The following TET3 variants were observed in gnomAD, a reference collection of about 807,000 sequenced individuals.
TET3 encodes tet methylcytosine dioxygenase 3.
A neutral mutation model predicts 141.4 loss-of-function variants in TET3; 19 were observed. The observed-to-expected ratio is 0.13, with a 90% CI of 0.09 to 0.20. TET3 has a LOEUF of 0.20. TET3 is among the 10% of genes least tolerant of loss of function. The pLI, the probability that TET3 is intolerant of heterozygous loss-of-function variation, is 1.00. For synonymous variants in TET3, 1,043 were observed against 980.9 expected (o/e 1.06, Z -1.18); for missense variants, 1,874 against 2,356.9 (o/e 0.80, Z 4.24).
chr2:74,046,163 G>A lies in TET3; in HGVS notation c.361-115G>A. The stretch of plus-strand genomic sequence containing the variant: ...GGAGGCTCAAGAAGTACCAGAGAGA[G>A]GATTTGCAAGAAAAGTTGGGGTCAG... On this transcript the variant is annotated intron_variant, in intron 3 of 11. Coordinates refer to ENST00000409262, the MANE Select transcript of TET3 (RefSeq NM_001287491.2). The surrounding 1 kb of genome is among the most constrained non-coding windows in gnomAD (Gnocchi z 4.3). The A allele has an allele frequency of 1.1e-6, 1 of 919,008 alleles. No individual in the cohort carries two copies. Among genetic ancestry groups the A allele is most frequent in the Non-Finnish European group, 1.5e-6 (1 of 661,628 alleles). The allele number at this position is 919,008 out of a possible 1,614,324, so 56.9% of individuals were successfully genotyped here.
At chr2:74,012,512 C>G (rs1257137239) in intron 3 of TET3, among the ~76,000 whole-genome samples, 2 of 152,188 alleles carry the variant, frequency 1.3e-5, no homozygotes, top group Non-Finnish European at 2.9e-5. Flanking sequence ...GCAGCCCCAC[C>G]TTTCAGAAAG....
At chr2:73,991,438 C>T (rs1258233946) in intron 2 of TET3, among the ~76,000 whole-genome samples, 1 of 151,884 alleles carries the variant, frequency 6.6e-6, no homozygotes, top group Admixed American at 6.6e-5. Context: ...ACAAAATTAG[C>T]CAGGCGTGGT....
rs1218558255 is a variant in TET3, at chr2:74,103,130, G to A, written c.*954G>A. On this transcript the variant is annotated 3_prime_UTR_variant, in exon 12 of 12. Transcript: ENST00000409262. ...CCAAGCCAATGCATGCTGAGCTGAA[G>A]GAATTTGTCTTAGTGGCAGTTTTTT... 2 of 152,262 alleles carry A rather than the reference G, an allele frequency of 1.3e-5. No individual in the cohort carries two copies. Among genetic ancestry groups the A allele is most frequent in the African/African-American group, 4.8e-5 (2 of 41,466 alleles). 9.4% of individuals were successfully genotyped at this position (152,262 alleles called of 1,614,324 possible).
intron 4 of TET3, among the ~76,000 whole-genome samples, chr2:74,068,241 C>G (rs1441874657): frequency 2.0e-5 from 3 of 151,868 alleles, no homozygotes; most frequent in Non-Finnish European, 4.4e-5. Flanking sequence ...TTTAAACTTG[C>G]TTTTACTCTG....
In TET3 at chr2:74,073,611, G is replaced by A. The variant is rs186320730; in HGVS notation, c.2557G>A (p.Ala853Thr). The change falls in exon 5 of 12, where the codon GCC becomes ACC. Residue 853 changes from alanine (A) to threonine (T), a missense_variant. By Grantham distance (58) the Ala-to-Thr change is moderately conservative. Around this residue, in one of 10 missense-constraint regions of TET3, gnomAD observed 126 missense variants for 327.4 expected, o/e 0.38. Transcript: ENST00000409262. ...TCACTTGGGATCTGGCCCCACGGTC[G>A]CCTCTATCCGGGAACTCATGGAGGA... ...YTHLGSGPTV[A>T]SIRELMEERY... 4 of 1,611,778 alleles carry A rather than the reference G, an allele frequency of 2.5e-6. No individual in the cohort carries two copies. Among genetic ancestry groups the A allele is most frequent in the East Asian group, 2.2e-5 (1 of 44,858 alleles).
At chr2:74,062,704 A>G (rs1365434330) in intron 4 of TET3, among the ~76,000 whole-genome samples, 1 of 152,216 alleles carries the variant, frequency 6.6e-6, no homozygotes, top group Non-Finnish European at 1.5e-5. Context: ...CTAAACATGG[A>G]AAACATAAAA....
At chr2:74,076,754 G>A (rs893705401) in intron 5 of TET3, among the ~76,000 whole-genome samples, 3 of 152,064 alleles carry the variant, frequency 2.0e-5, no homozygotes, top group African/African-American at 7.2e-5. Context: ...TGAATGGTAG[G>A]TCTAGGCTGT....
upstream of TET3, among the ~76,000 whole-genome samples, chr2:73,984,081 GTGTC>G (rs1683876638): frequency 6.6e-6 from 1 of 152,256 alleles, no homozygotes; most frequent in Non-Finnish European, 1.5e-5. This position sits in a 1 kb window ranked among gnomAD's most constrained non-coding sequence, Gnocchi z 5.6. Context: ...ACTCTTCAAA[GTGTC>G]TGCGCCGGGT....
chr2:74,018,940 T>G (rs1313343686), intron 3 of TET3, among the ~76,000 whole-genome samples: 1 of 152,164 alleles, frequency 6.6e-6, no homozygotes, highest in Non-Finnish European at 1.5e-5. Flanking sequence ...TCTAGTCTTT[T>G]TTGTGTGTTC....
chr2:74,099,583 T>G lies in TET3; in HGVS notation c.3575T>G (p.Leu1192Arg). 4 of 1,595,478 alleles carry G rather than the reference T, an allele frequency of 2.5e-6. No individual in the cohort carries two copies. Among genetic ancestry groups the G allele is most frequent in the Non-Finnish European group, 3.4e-6 (4 of 1,169,214 alleles). Residue 1192 changes from leucine (L) to arginine (R), a missense_variant, in exon 11 of 12, where the codon CTG (leucine) becomes CGG (arginine). Physicochemically the swap from Leu to Arg is moderately radical, Grantham distance 102. This residue lies in a region of TET3 where 602 missense variants were observed against 590.2 expected (regional missense o/e 1.02). Coordinates refer to ENST00000409262, the MANE Select transcript of TET3 (RefSeq NM_001287491.2). Reference protein sequence around the residue: ...STPEKIKQEALELAGITSDPG... With the variant: ...STPEKIKQEARELAGITSDPG... ...CCGGAGAAGATCAAGCAGGAGGCCCTGGAGCTGGCGGGCATTACGTCGGAC... is the reference window on the plus strand; with the variant it reads ...CCGGAGAAGATCAAGCAGGAGGCCCGGGAGCTGGCGGGCATTACGTCGGAC...
the TET3 span, among the ~76,000 whole-genome samples, chr2:74,125,826 T>C: frequency 1.2e-4 from 18 of 152,244 alleles, no homozygotes; most frequent in African/African-American, 4.3e-4. Flanking sequence ...TGAGCCACCA[T>C]GCCCAGCTGA....
chr2:74,067,301 T>C (rs1311819116), intron 4 of TET3, among the ~76,000 whole-genome samples: 4 of 152,262 alleles, frequency 2.6e-5, no homozygotes, highest in South Asian at 2.1e-4. Context: ...TTCTATTATG[T>C]AAAAACATTA....
chr2:74,017,389 C>G (rs1685785731), intron 3 of TET3, among the ~76,000 whole-genome samples: 1 of 152,190 alleles, frequency 6.6e-6, no homozygotes, highest in Admixed American at 6.5e-5. Context: ...GGTATTTCCC[C>G]TGCACCCCTG....
At chr2:74,080,009 A>G (rs1054436286) in intron 5 of TET3, among the ~76,000 whole-genome samples, 1 of 152,208 alleles carries the variant, frequency 6.6e-6, no homozygotes, top group African/African-American at 2.4e-5. Context: ...TAGTAGAGCC[A>G]CTTCTCCCCA....
the TET3 span, among the ~76,000 whole-genome samples, chr2:74,129,883 C>T: frequency 1.3e-5 from 2 of 151,920 alleles, no homozygotes; most frequent in South Asian, 4.2e-4. Flanking sequence ...TACCTGAGGT[C>T]AGGAGTTCGA....
intron 4 of TET3, among the ~76,000 whole-genome samples, chr2:74,054,304 G>A (rs1688102129): frequency 6.6e-6 from 1 of 150,564 alleles, no homozygotes; most frequent in Non-Finnish European, 1.5e-5. Context: ...AGGGGAGGGG[G>A]CAGATAAGAG....
intron 3 of TET3, among the ~76,000 whole-genome samples, chr2:74,009,844 C>A (rs561566326): frequency 1.4e-4 from 22 of 152,348 alleles, no homozygotes; most frequent in African/African-American, 4.1e-4. Context: ...TAGAATCAAA[C>A]CCATGGGCTC....
rs542776967 is a variant in TET3 at position 74,034,205 on chromosome 2, A to G, written c.361-12073A>G. 2.7e-5 allele frequency among the ~76,000 whole-genome samples: 4 copies of G among 150,770 alleles called. No individual in the cohort carries two copies. The East Asian group carries it at 5.8e-4, about 22-fold the overall frequency. ...ACCACCCCCAGTATCTGTGAAACAC[A>G]ATAGAATGAAGCACAATAAAACAAG... On this transcript the variant is annotated intron_variant, in intron 3 of 11. Transcript: ENST00000409262.
At chr2:74,069,502 T>A (rs1003678991) in intron 4 of TET3, among the ~76,000 whole-genome samples, 7 of 151,836 alleles carry the variant, frequency 4.6e-5, no homozygotes, top group Non-Finnish European at 7.4e-5. Context: ...AATGAAATTT[T>A]ATAAAATGAA....
Sources: gnomAD v4.1 joint callset for allele counts (sites outside exome capture counted in the v4.1 genomes callset) on GRCh38, gnomAD v4.1.1 for gene constraint, gnomAD v4.1.1 regional missense constraint, Gnocchi (gnomAD v3.1) non-coding constraint, MANE v1.5 for transcripts, NCBI Gene and HGNC (gene_info 2026-07-23, HGNC 2026-07-21) for gene names.